Variants in MEGF10 observed in about 807,000 individuals in gnomAD.
MEGF10 encodes the protein multiple epidermal growth factor-like domains protein 10.
Under a neutral mutation model 147.5 loss-of-function variants are expected in MEGF10, and 86 were observed. That is an observed-to-expected ratio of 0.58 (90% confidence interval 0.49 to 0.70). MEGF10 has a LOEUF of 0.70. Among genes scored for constraint, MEGF10 ranks in the 30% least tolerant of loss-of-function variants. The pLI, the probability that MEGF10 is intolerant of heterozygous loss-of-function variation, is 0.00. For synonymous variants in MEGF10, 478 were observed against 525.5 expected (o/e 0.91, Z 1.24); for missense variants, 1,329 against 1,487.3 (o/e 0.89, Z 1.75).
the MEGF10 span, among the ~76,000 whole-genome samples, chr5:127,254,033 C>G: frequency 2.0e-4 from 30 of 152,188 alleles, no homozygotes; most frequent in South Asian, 5.8e-3. Flanking sequence ...CAGCTTTGCA[C>G]TTTCTAGCTT....
rs371522377 is a variant in MEGF10, at chr5:127,410,571, G to A, written c.1100G>A (p.Arg367Gln). 44 of 1,610,218 alleles carry A rather than the reference G, an allele frequency of 2.7e-5. No individual in the cohort carries two copies. Among genetic ancestry groups the A allele is most frequent in the African/African-American group, 1.5e-4 (11 of 74,934 alleles). Residue 367 changes from arginine to glutamine, a missense_variant, in exon 9 of 25, where the codon CGG becomes CAG. Physicochemically the swap from Arg to Gln is conservative, Grantham distance 43. This residue lies in a region of MEGF10 where 980 missense variants were observed against 1,085.9 expected (regional missense o/e 0.90). Transcript: ENST00000503335. ...EGLYGIKCDK[R>Q]CPCHLENTHS... The stretch of plus-strand genomic sequence containing the variant: ...CTCTACGGCATCAAATGTGACAAAC[G>A]GTGTCCCTGCCACCTGGAAAACACT...
chr5:127,256,574 A>C, the MEGF10 span, among the ~76,000 whole-genome samples: 1 of 152,124 alleles, frequency 6.6e-6, no homozygotes, highest in Admixed American at 6.6e-5. Context: ...CTGAAGTCAG[A>C]GTTGAGTTTG....
the MEGF10 span, among the ~76,000 whole-genome samples, chr5:127,247,443 GA>G: frequency 8.5e-6 from 1 of 118,210 alleles, no homozygotes; most frequent in East Asian, 2.2e-4. Context: ...AGAAGAAGAA[GA>G]AGAAGAAGAA....
the MEGF10 span, among the ~76,000 whole-genome samples, chr5:127,261,693 C>T: frequency 1.4e-4 from 21 of 152,142 alleles, no homozygotes; most frequent in African/African-American, 5.1e-4. Context: ...TGTAAAGCAG[C>T]TGCCCCATTT....
intron 4 of MEGF10, among the ~76,000 whole-genome samples, chr5:127,355,133 C>T (rs1033283655): frequency 1.4e-4 from 22 of 152,048 alleles, no homozygotes; most frequent in Admixed American, 5.9e-4. Flanking sequence ...AGTTAGCCTT[C>T]GGCAGAGGTC....
chr5:127,282,467 C>T, the MEGF10 span, among the ~76,000 whole-genome samples: 1 of 152,102 alleles, frequency 6.6e-6, no homozygotes, highest in Admixed American at 6.5e-5. Flanking sequence ...TGAGACTATG[C>T]CCATGGTTCC....
intron 7 of MEGF10, 56 bp downstream of exon 7, chr5:127,398,852 A>G: frequency 1.9e-6 from 3 of 1,610,236 alleles, no homozygotes; most frequent in South Asian, 1.1e-5. Context: ...ATTCCAGGAT[A>G]CTCAGTGCAT....
upstream of MEGF10, among the ~76,000 whole-genome samples, chr5:127,289,908 A>G (rs1189058159): frequency 6.6e-6 from 1 of 152,150 alleles, no homozygotes; most frequent in Non-Finnish European, 1.5e-5. Flanking sequence ...ACGACACAAG[A>G]AAGAACTTTG....
At chr5:127,248,805 A>G in the MEGF10 span, among the ~76,000 whole-genome samples, 1 of 151,850 alleles carries the variant, frequency 6.6e-6, no homozygotes, top group Non-Finnish European at 1.5e-5. Context: ...AGAAATAATA[A>G]CGAAAGGTGA....
intron 3 of MEGF10, 71 bp from the exon 4 acceptor site, chr5:127,340,459 A>G (rs1761636347): frequency 2.6e-6 from 3 of 1,150,248 alleles, no homozygotes; most frequent in Non-Finnish European, 3.9e-6. Flanking sequence ...ATATTTCTTC[A>G]TAACTAGTTT....
In MEGF10 at chr5:127,410,614, T is replaced by C. The variant is rs746019129; in HGVS notation, c.1130+13T>C. 4.3e-5 allele frequency: 69 copies of C among 1,587,844 alleles called. No homozygotes were observed. The highest frequency in any genetic ancestry group is 5.4e-5 in the Non-Finnish European group (63 of 1,169,952). Reference sequence around the variant, plus strand: ...AAAACACTCATAGGTGAGTGTCAGCTTCCCCTGGAAGGACGTGTCCTGTGA... The same window carrying C: ...AAAACACTCATAGGTGAGTGTCAGCCTCCCCTGGAAGGACGTGTCCTGTGA... On this transcript the variant is annotated intron_variant, in intron 9 of 24. Coordinates refer to ENST00000503335, the MANE Select transcript of MEGF10 (RefSeq NM_001256545.2).
intron 16 of MEGF10, among the ~76,000 whole-genome samples, chr5:127,436,364 T>A (rs945866157): frequency 6.6e-6 from 1 of 152,194 alleles, no homozygotes; most frequent in South Asian, 2.1e-4. Context: ...TTTCCATAAG[T>A]AGTCCAGGCT....
intron 14 of MEGF10, among the ~76,000 whole-genome samples, chr5:127,434,337 AC>A (rs1240540763): frequency 3.3e-5 from 5 of 152,152 alleles, no homozygotes; most frequent in Non-Finnish European, 7.3e-5. Flanking sequence ...CTTATTTGAG[AC>A]TTATTAGTAT....
intron 22 of MEGF10, among the ~76,000 whole-genome samples, chr5:127,453,948 C>T (rs1394822714): frequency 6.6e-6 from 1 of 152,282 alleles, no homozygotes; most frequent in South Asian, 2.1e-4. Flanking sequence ...CTCCCCACAC[C>T]CACGAAATAA....
At chr5:127,395,618 C>T (rs892226483) in intron 5 of MEGF10, among the ~76,000 whole-genome samples, 1 of 137,756 alleles carries the variant, frequency 7.3e-6, no homozygotes, top group South Asian at 2.4e-4. Context: ...AGTCTTAGCT[C>T]ACTGCCAGCT....
At chr5:127,350,500 C>T (rs1389135977) in intron 4 of MEGF10, among the ~76,000 whole-genome samples, 1 of 152,018 alleles carries the variant, frequency 6.6e-6, no homozygotes, top group Non-Finnish European at 1.5e-5. Flanking sequence ...CCTTGGTTCT[C>T]TTCCTCCTTT....
chr5:127,425,403 T>C (rs1213223450), intron 13 of MEGF10, among the ~76,000 whole-genome samples: 1 of 152,198 alleles, frequency 6.6e-6, no homozygotes, highest in East Asian at 1.9e-4. Flanking sequence ...GGTCTGTCAG[T>C]CATTATTGCT....
chr5:127,449,707 C>G (rs1766084133), intron 22 of MEGF10, among the ~76,000 whole-genome samples: 1 of 152,082 alleles, frequency 6.6e-6, no homozygotes, highest in African/African-American at 2.4e-5. Flanking sequence ...GGTATCTGTA[C>G]TTGAGATCCC....
intron 1 of MEGF10, among the ~76,000 whole-genome samples, chr5:127,300,285 C>T (rs1759710175): frequency 6.6e-6 from 1 of 152,222 alleles, no homozygotes; most frequent in African/African-American, 2.4e-5. Context: ...TATAGAGAGG[C>T]TTGCCCTCAA....
Sources: allele counts gnomAD v4.1 joint callset (sites outside exome capture counted in the v4.1 genomes callset), GRCh38; gene constraint gnomAD v4.1.1; regional missense constraint gnomAD v4.1.1; transcripts MANE v1.5; gene names NCBI Gene and HGNC (gene_info 2026-07-23, HGNC 2026-07-21).